The following MRC2 variants were observed in gnomAD, a reference collection of about 807,000 sequenced individuals.
MRC2 encodes the protein mannose receptor C-type 2.
In MRC2, 84 loss-of-function variants were observed where a neutral mutation model predicts 206.2. That is an observed-to-expected ratio of 0.41 (90% CI 0.34 to 0.49). MRC2 has a LOEUF of 0.49. Among genes scored for constraint, MRC2 ranks in the 20% least tolerant of loss-of-function variants. The pLI, the probability that MRC2 is intolerant of heterozygous loss-of-function variation, is 0.31. For synonymous variants in MRC2, 798 were observed against 800.0 expected (o/e 1.00, Z 0.04); for missense variants, 1,676 against 2,001.5 (o/e 0.84, Z 3.10).
Position 62,664,600 on chromosome 17 carries a change from C to G in MRC2, c.171C>G (p.Ala57=). Residue 57 remains alanine, a synonymous_variant, in exon 2 of 30, where the codon GCC becomes GCG. Coordinates refer to ENST00000303375, the MANE Select transcript of MRC2 (RefSeq NM_006039.5). This position sits in a 1 kb window ranked among gnomAD's most constrained non-coding sequence, Gnocchi z 4.7. ...ATGGACTGCAGGGCTGCCTGGAGGC[C>G]CAGGGCGGGCAGGTCAGAGTCACCC... ...FSHGLQGCLE[A]QGGQVRVTPA... is the part of the protein sequence containing the mutation. 6.2e-7 allele frequency: 1 copy of G among 1,613,536 alleles called. No individual in the cohort carries two copies. Among genetic ancestry groups the G allele is most frequent in the Non-Finnish European group, 8.5e-7 (1 of 1,179,998 alleles).
chr17:62,689,839 C>T (rs1487435762), intron 24 of MRC2, 55 bp from the exon 25 acceptor site: 2 of 1,551,504 alleles, frequency 1.3e-6, no homozygotes, highest in Non-Finnish European at 1.7e-6. Context: ...CCCGCCTTAT[C>T]CGCACCCTAT....
At position 62,667,622 on chromosome 17, in the gene MRC2, C is replaced by G. The variant is rs932335684; in HGVS notation, c.1117+89C>G. On this transcript the variant is annotated intron_variant, in intron 6 of 29. Transcript: ENST00000303375. This position sits in a 1 kb window ranked among gnomAD's most constrained non-coding sequence, Gnocchi z 4.1. ...GCCGTGGCAGGCCCAGCCTCTCCTC[C>G]GGTTACCACCACAGCACAAGGGGAC... The G allele has an allele frequency of 1.4e-6, 2 of 1,413,808 alleles. No individual in the cohort carries two copies. The highest frequency in any genetic ancestry group is 1.9e-6 in the Non-Finnish European group (2 of 1,060,796). 87.6% of individuals were successfully genotyped at this position (1,413,808 alleles called of 1,614,324 possible). A position where few individuals can be genotyped will look rare whatever the true frequency, so the allele number is the denominator to read the frequency against.
At chr17:62,668,132 G>A (rs1306540997) in intron 6 of MRC2, among the ~76,000 whole-genome samples, 6 of 152,222 alleles carry the variant, frequency 3.9e-5, no homozygotes, top group Non-Finnish European at 7.4e-5. Flanking sequence ...CAAGGCAGGA[G>A]GATTGCTTGA....
chr17:62,688,929 G>C lies in MRC2; in HGVS notation c.3303G>C (p.Glu1101Asp). ...GGGACGATCGGAGCTGCACGGAGGA[G>C]ACCCATGGCTTCATCTGCCAGAAGG... ...GRWDDRSCTE[E>D]THGFICQKGT... Residue 1101 changes from glutamate to aspartate, a missense_variant, in exon 23 of 30, where the codon GAG becomes GAC. This residue lies in a region of MRC2 where 1,354 missense variants were observed against 1,636.6 expected (regional missense o/e 0.83). Coordinates refer to ENST00000303375, the MANE Select transcript of MRC2 (RefSeq NM_006039.5). 11 of 1,613,834 alleles carry C rather than the reference G, an allele frequency of 6.8e-6. No individual in the cohort carries two copies. Among genetic ancestry groups the C allele is most frequent in the Non-Finnish European group, 9.3e-6 (11 of 1,180,014 alleles).
intron 6 of MRC2, among the ~76,000 whole-genome samples, chr17:62,670,848 TGGCTCAAG>T (rs1448224151): frequency 6.6e-6 from 1 of 152,090 alleles, no homozygotes; most frequent in East Asian, 1.9e-4. Context: ...GCCCCATTAG[TGGCTCAAG>T]GTCCCGTTTC....
chr17:62,635,194 T>C (rs1306061203), intron 1 of MRC2, among the ~76,000 whole-genome samples: 12 of 131,176 alleles, frequency 9.1e-5, no homozygotes, highest in East Asian at 2.0e-4. Flanking sequence ...TTTTTCTCTT[T>C]TTTTTTTTTT....
Position 62,675,846 on chromosome 17 carries a change from C to T in MRC2, c.1626C>T (p.Tyr542=), listed in dbSNP as rs200051355. Residue 542 remains tyrosine, a synonymous_variant, in exon 10 of 30, where the codon TAC becomes TAT. Transcript: ENST00000303375. This position sits in a 1 kb window ranked among gnomAD's most constrained non-coding sequence, Gnocchi z 4.1. ...GGCTGGGAGAAGACCAAGTGACCTA[C>T]AGTGAGGCCCGGCGCCTGTGCACTG... ...CYWLGEDQVT[Y]SEARRLCTDH... 2.5e-6 allele frequency: 4 copies of T among 1,614,178 alleles called. No individual in the cohort carries two copies. Among genetic ancestry groups the T allele is most frequent in the Non-Finnish European group, 3.4e-6 (4 of 1,180,022 alleles).
In MRC2 at chr17:62,671,383, T is replaced by G. The variant is rs968941772; in HGVS notation, c.1118-266T>G. Among the ~76,000 whole-genome samples, 1 of 152,170 alleles carries G rather than the reference T, an allele frequency of 6.6e-6. No individual in the cohort carries two copies. Among genetic ancestry groups the G allele is most frequent in the African/African-American group, 2.4e-5 (1 of 41,448 alleles). ...ACCATGCCTGGCCCACCCATCGTAT[T>G]CTGAGAGCCACAGCCAGAGGAAGTG... On this transcript the variant is annotated intron_variant, in intron 6 of 29. Transcript: ENST00000303375. The surrounding 1 kb of genome is among the most constrained non-coding windows in gnomAD (Gnocchi z 4.5).
Position 62,667,327 on chromosome 17 carries a change from GC to G in MRC2, c.974-59del. 4 of 1,517,810 alleles carry G rather than the reference GC, an allele frequency of 2.6e-6. No individual in the cohort carries two copies. Among genetic ancestry groups the G allele is most frequent in the Non-Finnish European group, 2.6e-6 (3 of 1,134,614 alleles). 94.0% of individuals were successfully genotyped at this position (1,517,810 alleles called of 1,614,324 possible). On this transcript the variant is annotated intron_variant, in intron 5 of 29. Transcript: ENST00000303375. This position sits in a 1 kb window ranked among gnomAD's most constrained non-coding sequence, Gnocchi z 4.1. The stretch of plus-strand genomic sequence containing the variant: ...AGGGAGGTAGGAGGTTCTGAGCAGG[GC>G]CCCGGGAGCCACGGTGTGAGCTTCT...
rs775932154 is a variant in MRC2 at position 62,689,647 on chromosome 17, G to A, written c.3460G>A (p.Glu1154Lys). The change falls in exon 24 of 30, where the codon GAG becomes AAG. Residue 1154 changes from glutamate to lysine, a missense_variant. Glu to Lys is a moderately conservative substitution (Grantham distance 56). This residue lies in a region of MRC2 where 1,354 missense variants were observed against 1,636.6 expected (regional missense o/e 0.83). Coordinates refer to ENST00000303375, the MANE Select transcript of MRC2 (RefSeq NM_006039.5). ...CTGGCACGATGCCCTCCTGCTGTGTGAGAGCCGCAATGCCAGCCTGGCCTA... is the reference window on the plus strand; with the variant it reads ...CTGGCACGATGCCCTCCTGCTGTGTAAGAGCCGCAATGCCAGCCTGGCCTA... ...LRWHDALLLC[E>K]SRNASLAYVP... is the part of the protein sequence containing the mutation. 2 of 1,600,172 alleles carry A rather than the reference G, an allele frequency of 1.2e-6. No individual in the cohort carries two copies. Among genetic ancestry groups the A allele is most frequent in the Non-Finnish European group, 1.7e-6 (2 of 1,173,680 alleles).
intron 1 of MRC2, among the ~76,000 whole-genome samples, chr17:62,635,649 G>T (rs1010875753): frequency 2.0e-5 from 3 of 152,074 alleles, no homozygotes; most frequent in Non-Finnish European, 4.4e-5. Flanking sequence ...CTGTTCATTG[G>T]CCTCAATTGT....
Position 62,678,493 on chromosome 17 carries a change from T to C in MRC2, c.2053-11T>C. 1 of 1,611,400 alleles carries C rather than the reference T, an allele frequency of 6.2e-7. No individual in the cohort carries two copies. Among genetic ancestry groups the C allele is most frequent in the Non-Finnish European group, 8.5e-7 (1 of 1,179,172 alleles). Reference sequence around the variant, plus strand: ...GGGGACAGCTTAGACAGCTGGACTCTGCCCCTGCAGGTGTTCAGCTCAGAG... The same window carrying C: ...GGGGACAGCTTAGACAGCTGGACTCCGCCCCTGCAGGTGTTCAGCTCAGAG... On this transcript the variant is annotated splice_polypyrimidine_tract_variant and intron_variant, in intron 12 of 29. Transcript: ENST00000303375.
At chr17:62,635,581 G>A (rs922052128) in intron 1 of MRC2, among the ~76,000 whole-genome samples, 1 of 152,082 alleles carries the variant, frequency 6.6e-6, no homozygotes, top group African/African-American at 2.4e-5. Context: ...ATACTGATGA[G>A]GCTCCCTAAT....
At position 62,675,971 on chromosome 17, in the gene MRC2, C is replaced by T; in HGVS notation, c.1685+66C>T. 7.4e-7 allele frequency: 1 copy of T among 1,358,550 alleles called. No homozygotes were observed. The highest frequency in any genetic ancestry group is 1.7e-5 in the Admixed American group (1 of 58,752). 84.2% of individuals were successfully genotyped at this position (1,358,550 alleles called of 1,614,324 possible). A position where few individuals can be genotyped will look rare whatever the true frequency, so the allele number is the denominator to read the frequency against. On this transcript the variant is annotated intron_variant, in intron 10 of 29. Coordinates refer to ENST00000303375, the MANE Select transcript of MRC2 (RefSeq NM_006039.5). This position sits in a 1 kb window ranked among gnomAD's most constrained non-coding sequence, Gnocchi z 4.1. ...TCTGGGCCTATTGTGGTCCCTTCAG[C>T]AAACAGGGTAGCATCTGCCATCATG...
chr17:62,674,256 C>A, intron 9 of MRC2, 86 bp downstream of exon 9: 2 of 970,086 alleles, frequency 2.1e-6, no homozygotes, highest in Non-Finnish European at 3.0e-6. Context: ...ACTCCTGCTG[C>A]CTCGCATGGC....
rs2089080434 is a variant in MRC2, at chr17:62,689,764, G to C, written c.3573+4G>C. The stretch of plus-strand genomic sequence containing the variant: ...GATTGGGCTGGCTGGCGAGGAGGTG[G>C]GCTCCCGACACTTTTGCCCTGGGCC... On this transcript the variant is annotated splice_donor_region_variant and intron_variant, in intron 24 of 29. Coordinates refer to ENST00000303375, the MANE Select transcript of MRC2 (RefSeq NM_006039.5). The C allele has an allele frequency of 6.5e-7, 1 of 1,538,916 alleles. No homozygotes were observed. Among genetic ancestry groups the C allele is most frequent in the African/African-American group, 1.4e-5 (1 of 73,680 alleles).
At chr17:62,647,269 C>T (rs978887441) in intron 1 of MRC2, among the ~76,000 whole-genome samples, 9 of 150,728 alleles carry the variant, frequency 6.0e-5, no homozygotes, top group Non-Finnish European at 7.4e-5. Context: ...CTGCAACCTC[C>T]GCCTCCTGGG....
rs1038557552 is a variant in MRC2 at position 62,667,599 on chromosome 17, C to A, written c.1117+66C>A. ...AGGGCCAGGGACACAGCCACAGAGC[C>A]GTGGCAGGCCCAGCCTCTCCTCCGG... On this transcript the variant is annotated intron_variant, in intron 6 of 29. Coordinates refer to ENST00000303375, the MANE Select transcript of MRC2 (RefSeq NM_006039.5). The surrounding 1 kb of genome is among the most constrained non-coding windows in gnomAD (Gnocchi z 4.1). The A allele has an allele frequency of 6.6e-7, 1 of 1,514,348 alleles. No homozygotes were observed. Among genetic ancestry groups the A allele is most frequent in the Non-Finnish European group, 8.8e-7 (1 of 1,140,846 alleles). The allele number at this position is 1,514,348 out of a possible 1,614,324, so 93.8% of individuals were successfully genotyped here. A position where few individuals can be genotyped will look rare whatever the true frequency, so the allele number is the denominator to read the frequency against.
At chr17:62,634,923 C>T (rs373145267) in intron 1 of MRC2, among the ~76,000 whole-genome samples, 6 of 151,886 alleles carry the variant, frequency 4.0e-5, no homozygotes, top group South Asian at 4.2e-4. Flanking sequence ...TTCCACCTTC[C>T]GAGTTCAGGC....
Sources: gnomAD v4.1 joint callset for allele counts (sites outside exome capture counted in the v4.1 genomes callset) on GRCh38, gnomAD v4.1.1 for gene constraint, gnomAD v4.1.1 regional missense constraint, Gnocchi (gnomAD v3.1) non-coding constraint, MANE v1.5 for transcripts, NCBI Gene and HGNC (gene_info 2026-07-23, HGNC 2026-07-21) for gene names.